Variants in HAL observed in about 807,000 individuals in gnomAD.
The protein encoded by HAL is histidase.
A neutral mutation model predicts 81.1 loss-of-function variants in HAL; 85 were observed. That is an observed-to-expected ratio of 1.05 (90% confidence interval 0.88 to 1.25). The LOEUF is 1.25. Ranked by LOEUF, HAL falls within the 50% of genes most tolerant of loss-of-function variation. The probability of loss-of-function intolerance (pLI) is 0.00; values close to 1 mark genes in which losing one functional copy is unlikely to be tolerated. For missense variants in HAL, 798 were observed against 836.6 expected, an observed-to-expected ratio of 0.95 and a Z score of 0.57; for synonymous variants, 301 against 309.2, an observed-to-expected ratio of 0.97 and a Z score of 0.28.
At chr12:95,982,638 C>T (rs912989050) in intron 15 of HAL, among the ~76,000 whole-genome samples, 1 of 152,124 alleles carries the variant, frequency 6.6e-6, no homozygotes, top group Non-Finnish European at 1.5e-5. Context: ...CAGTGTAAAA[C>T]AATGTGAGAG....
chr12:95,987,704 T>C (rs1299886837), intron 11 of HAL, among the ~76,000 whole-genome samples: 1 of 152,158 alleles, frequency 6.6e-6, no homozygotes, highest in Non-Finnish European at 1.5e-5. Context: ...CATTGTGGCA[T>C]GAAGAATCTT....
rs764044948 is a variant in HAL, at chr12:95,994,984, C to T, written c.257G>A (p.Gly86Asp). 15 of 1,609,238 alleles carry T rather than the reference C, an allele frequency of 9.3e-6. No individual in the cohort carries two copies. The highest frequency in any genetic ancestry group is 2.2e-5 in the East Asian group (1 of 44,874). The change falls in exon 3 of 21, where the codon GGT (glycine) becomes GAT (aspartate). Residue 86 changes from glycine (G) to aspartate (D), a missense_variant. Physicochemically the swap from Gly to Asp is moderately conservative, Grantham distance 94. Transcript: ENST00000261208. ...NNEFVEVVIE[G>D]DAMSPDFIPS... ...AATGAAGTCAGGAGACATGGCATCA[C>T]CCTCTATAACTAAAACAATGCACGG...
At chr12:95,978,916 C>T (rs946499635) in intron 17 of HAL, among the ~76,000 whole-genome samples, 1 of 152,138 alleles carries the variant, frequency 6.6e-6, no homozygotes, top group Non-Finnish European at 1.5e-5. Context: ...AAGATGATCT[C>T]GCTTTAAACT....
rs565322563 is a variant in HAL, at chr12:95,984,977, A to C, written c.1206+931T>G. Among the ~76,000 whole-genome samples the C allele has an allele frequency of 2.3e-3, 350 of 152,352 alleles. 2 individuals carry two copies. Among genetic ancestry groups the C allele is most frequent in the Middle Eastern group, 0.01 (3 of 292 alleles). On this transcript the variant is annotated intron_variant, in intron 14 of 20. Transcript: ENST00000261208. ...ACAGACCAAAATATGGTTTATTGAG[A>C]TGACTGGCTCTCTAACTGTCATATG... is the stretch of plus-strand genomic sequence containing the variant.
At chr12:95,990,719 T>G (rs56327032) in intron 9 of HAL, among the ~76,000 whole-genome samples, 187 bp from the exon 10 acceptor site, 19,814 of 151,846 alleles carry the variant, frequency 0.13, 1,561 homozygotes, top group East Asian at 0.35. Flanking sequence ...GGATGAATTG[T>G]TATAGAAAGA....
At chr12:95,976,959 A>T (rs886635277) in intron 18 of HAL, among the ~76,000 whole-genome samples, 2 of 152,140 alleles carry the variant, frequency 1.3e-5, no homozygotes, top group East Asian at 3.9e-4. Flanking sequence ...CTGCACACCT[A>T]CCCAGGAAGC....
intron 2 of HAL, 115 bp downstream of exon 2, chr12:95,995,549 G>T: frequency 1.4e-6 from 2 of 1,442,434 alleles, no homozygotes; most frequent in South Asian, 1.2e-5. Context: ...CACAGGGCCA[G>T]CCTCGGCAAG....
chr12:95,995,016 C>T (rs748465106), intron 2 of HAL, 23 bp from the exon 3 acceptor site: 14 of 1,554,484 alleles, frequency 9.0e-6, no homozygotes, highest in Middle Eastern at 1.8e-4. Flanking sequence ...ACGGGAGACT[C>T]GTTACAGATC....
In HAL at chr12:95,985,976, A is replaced by C; in HGVS notation, c.1148-10T>G. ...CAGAACCTGTGACTCTCTGTGGAAG[A>C]GGTGGAGGGGATGAGACAGGGATCA... On this transcript the variant is annotated splice_polypyrimidine_tract_variant and intron_variant, in intron 13 of 20. Coordinates refer to ENST00000261208, the MANE Select transcript of HAL (RefSeq NM_002108.4). 1 of 1,609,314 alleles carries C rather than the reference A, an allele frequency of 6.2e-7. No individual in the cohort carries two copies. Among genetic ancestry groups the C allele is most frequent in the African/African-American group, 1.3e-5 (1 of 74,724 alleles).
chr12:95,987,913 AG>A (rs1949915594), intron 11 of HAL, among the ~76,000 whole-genome samples: 1 of 150,776 alleles, frequency 6.6e-6, no homozygotes, highest in South Asian at 2.1e-4. Context: ...GGGCGGGTAG[AG>A]ATGGGTTTCA....
chr12:95,981,350 C>A (rs186387905), intron 15 of HAL, among the ~76,000 whole-genome samples: 7 of 152,346 alleles, frequency 4.6e-5, no homozygotes, highest in Admixed American at 2.6e-4. Context: ...TTTTCAAATT[C>A]TTTACTCAGT....
At chr12:95,996,051 G>A in intron 1 of HAL, 27 bp downstream of exon 1, 1 of 824,922 alleles carries the variant, frequency 1.2e-6, no homozygotes. Context: ...ACTCATTCAT[G>A]CATTGGACAA....
At chr12:95,984,978 T>G (rs1205007375) in intron 14 of HAL, among the ~76,000 whole-genome samples, 1 of 152,234 alleles carries the variant, frequency 6.6e-6, no homozygotes, top group East Asian at 1.9e-4. Flanking sequence ...TTTATTGAGA[T>G]GACTGGCTCT....
In HAL at chr12:95,973,109, A is replaced by T. The variant is rs1318389437; in HGVS notation, c.*1123T>A. 6.6e-6 allele frequency: 1 copy of T among 152,182 alleles called. No homozygotes were observed. Among genetic ancestry groups the T allele is most frequent in the Non-Finnish European group, 1.5e-5 (1 of 68,046 alleles). 9.4% of individuals were successfully genotyped at this position (152,182 alleles called of 1,614,324 possible). On this transcript the variant is annotated 3_prime_UTR_variant, in exon 21 of 21. Transcript: ENST00000261208. ...TGGCAATTAGGTAGGCAAGGTGGCAAGTGTGTCTGTCCTCCTCTCCACCAG... is the reference window on the plus strand; with the variant it reads ...TGGCAATTAGGTAGGCAAGGTGGCATGTGTGTCTGTCCTCCTCTCCACCAG...
intron 2 of HAL, 39 bp downstream of exon 2, chr12:95,995,625 A>C: frequency 6.2e-7 from 1 of 1,610,480 alleles, no homozygotes. Flanking sequence ...AGCCAGGCCA[A>C]ACCGCACCCG....
intron 17 of HAL, among the ~76,000 whole-genome samples, chr12:95,980,231 A>G (rs965245078): frequency 4.4e-5 from 3 of 68,434 alleles, no homozygotes; most frequent in Non-Finnish European, 8.0e-5. Flanking sequence ...TCTTTTTCCA[A>G]TAGTCTTCAA....
At chr12:95,974,466 T>C in intron 20 of HAL, 94 bp from the exon 21 acceptor site, 1 of 1,096,124 alleles carries the variant, frequency 9.1e-7, no homozygotes, top group East Asian at 2.3e-5. Context: ...AAACATACTC[T>C]ATACATGACC....
At chr12:95,983,547 T>C (rs890281699) in intron 15 of HAL, 1 of 319,982 alleles carries the variant, frequency 3.1e-6, no homozygotes, top group African/African-American at 2.1e-5. Context: ...ATTTCTGCAA[T>C]CACATTTGTG....
chr12:95,990,269 A>C (rs531949546), intron 10 of HAL, 124 bp downstream of exon 10: 1 of 819,868 alleles, frequency 1.2e-6, no homozygotes, highest in Non-Finnish European at 2.2e-6. Context: ...CTCATCTGTA[A>C]AGTAAGGATA....
Sources: gnomAD v4.1 joint callset for allele counts (sites outside exome capture counted in the v4.1 genomes callset) on GRCh38, gnomAD v4.1.1 for gene constraint, MANE v1.5 for transcripts, NCBI Gene and HGNC (gene_info 2026-07-23, HGNC 2026-07-21) for gene names.